CACNA2D1: variants seen among roughly 807,000 people sequenced by gnomAD.
CACNA2D1 encodes the protein voltage-dependent calcium channel subunit alpha-2/delta-1.
A neutral mutation model predicts 171.5 loss-of-function variants in CACNA2D1; 53 were observed. The observed-to-expected ratio is 0.31, with a 90% CI of 0.25 to 0.39. CACNA2D1 has a LOEUF of 0.39. Ranked by LOEUF, CACNA2D1 falls within the 10% of genes least tolerant of loss-of-function variation. The pLI, the probability that CACNA2D1 is intolerant of heterozygous loss-of-function variation, is 1.00. For missense variants in CACNA2D1, 903 were observed against 1,299.8 expected, an observed-to-expected ratio of 0.69 and a Z score of 4.69; for synonymous variants, 442 against 443.1, an observed-to-expected ratio of 1.00 and a Z score of 0.03.
intron 32 of CACNA2D1, 35 bp from the exon 33 acceptor site, chr7:81,964,394 T>C (rs771501535): frequency 6.3e-7 from 1 of 1,589,414 alleles, no homozygotes; most frequent in East Asian, 2.2e-5. Flanking sequence ...CAACGTGCAC[T>C]TAAAATGTAA....
intron 6 of CACNA2D1, among the ~76,000 whole-genome samples, chr7:82,089,651 GAAGA>G (rs1174734691): frequency 6.6e-6 from 1 of 151,896 alleles, no homozygotes; most frequent in Non-Finnish European, 1.5e-5. Context: ...ATTCTCAAGA[GAAGA>G]AAGAAAAATC....
At chr7:82,003,093 T>C (rs554036813) in intron 18 of CACNA2D1, among the ~76,000 whole-genome samples, 5 of 152,132 alleles carry the variant, frequency 3.3e-5, no homozygotes, top group Non-Finnish European at 7.4e-5. Context: ...TTTTATGAGG[T>C]CTTGTATCAA....
intron 4 of CACNA2D1, among the ~76,000 whole-genome samples, chr7:82,156,734 T>C (rs1584947310): frequency 6.6e-6 from 1 of 152,050 alleles, no homozygotes; most frequent in Non-Finnish European, 1.5e-5. Context: ...ACAAGTAAAT[T>C]GAAATGAAAA....
intron 24 of CACNA2D1, among the ~76,000 whole-genome samples, chr7:81,974,842 T>TA (rs1431074091): frequency 6.6e-6 from 1 of 151,854 alleles, no homozygotes. Context: ...GAGTCTCATA[T>TA]AGCAATTAAA....
At chr7:82,283,051 T>G (rs892312832) in intron 3 of CACNA2D1, among the ~76,000 whole-genome samples, 1 of 152,206 alleles carries the variant, frequency 6.6e-6, no homozygotes, top group Non-Finnish European at 1.5e-5. Context: ...AGACAGATTT[T>G]GTTTCCCACG....
intron 10 of CACNA2D1, among the ~76,000 whole-genome samples, chr7:82,056,355 T>C (rs1805906606): frequency 6.6e-6 from 1 of 152,150 alleles, no homozygotes; most frequent in South Asian, 2.1e-4. Flanking sequence ...AACATGAGGA[T>C]GGACCTATGG....
chr7:82,388,837 C>G (rs191586626), intron 1 of CACNA2D1, among the ~76,000 whole-genome samples: 1,648 of 152,062 alleles, frequency 0.011, 24 homozygotes, highest in Middle Eastern at 0.062. Context: ...TAAGGTAGGC[C>G]GGGCACGGTG....
chr7:82,120,175 G>A (rs923487133), intron 5 of CACNA2D1, among the ~76,000 whole-genome samples: 1 of 152,084 alleles, frequency 6.6e-6, no homozygotes, highest in African/African-American at 2.4e-5. Flanking sequence ...GAATGAGACT[G>A]TGCACGCACG....
In CACNA2D1 at chr7:82,229,797, T is replaced by G. The variant is rs747582837; in HGVS notation, c.295-59188A>C. On this transcript the variant is annotated intron_variant, in intron 3 of 38. Transcript: ENST00000356860. ...CTCCCTTCTTGCCCTCCCAAAGTGCTGGGATTACAGGCATGAGCCACCATG... is the reference window on the plus strand; with the variant it reads ...CTCCCTTCTTGCCCTCCCAAAGTGCGGGGATTACAGGCATGAGCCACCATG... 3.3e-5 allele frequency among the ~76,000 whole-genome samples: 5 copies of G among 152,114 alleles called. No homozygotes were observed. In the East Asian group the frequency reaches 7.7e-4, roughly 23 times the overall value.
chr7:82,140,196 A>T (rs1355163870), intron 4 of CACNA2D1, among the ~76,000 whole-genome samples: 1 of 152,150 alleles, frequency 6.6e-6, no homozygotes, highest in East Asian at 1.9e-4. Context: ...AAACAACAAA[A>T]TGAGAAAGCA....
At chr7:82,186,318 G>A (rs1394318835) in intron 3 of CACNA2D1, among the ~76,000 whole-genome samples, 3 of 150,608 alleles carry the variant, frequency 2.0e-5, no homozygotes, top group African/African-American at 4.9e-5. Context: ...TGAGGAAGGT[G>A]GGCAAGGTTA....
At chr7:82,107,717 G>C (rs977855545) in intron 6 of CACNA2D1, among the ~76,000 whole-genome samples, 2 of 151,628 alleles carry the variant, frequency 1.3e-5, no homozygotes, top group Non-Finnish European at 2.9e-5. Context: ...CCGAGTAGCT[G>C]GGATTACAAG....
At chr7:82,263,055 G>T (rs1454386913) in intron 3 of CACNA2D1, among the ~76,000 whole-genome samples, 1 of 150,300 alleles carries the variant, frequency 6.7e-6, no homozygotes, top group Non-Finnish European at 1.5e-5. Context: ...AAGTTTCCTG[G>T]GTCTTTGAGG....
chr7:82,137,488 G>A (rs1421681387), intron 4 of CACNA2D1, among the ~76,000 whole-genome samples: 1 of 151,952 alleles, frequency 6.6e-6, no homozygotes, highest in Non-Finnish European at 1.5e-5. Flanking sequence ...TGAAGATATA[G>A]TTCATCTTCC....
intron 3 of CACNA2D1, among the ~76,000 whole-genome samples, chr7:82,298,197 G>A (rs1398001338): frequency 6.6e-6 from 1 of 152,072 alleles, no homozygotes; most frequent in Non-Finnish European, 1.5e-5. Context: ...TCATGTAAAT[G>A]TTTTCCACCA....
chr7:82,051,113 C>T lies in CACNA2D1; in HGVS notation c.879+9315G>A, dbSNP rs190561652. The T allele has an allele frequency of 8.3e-3, 1,294 of 156,586 alleles. 9 individuals are homozygous for T. Among genetic ancestry groups the T allele is most frequent in the Non-Finnish European group, 0.012 (845 of 70,994 alleles). The allele number at this position is 156,586 out of a possible 1,614,324, so 9.7% of individuals were successfully genotyped here. On this transcript the variant is annotated intron_variant, in intron 10 of 38. Transcript: ENST00000356860. Reference sequence around the variant, plus strand: ...ATATATTGGCTCCTTGAACCGCATACTGTGGGAAGCAAAGACTTTTACAAT... The same window carrying T: ...ATATATTGGCTCCTTGAACCGCATATTGTGGGAAGCAAAGACTTTTACAAT...
intron 18 of CACNA2D1, among the ~76,000 whole-genome samples, chr7:82,003,390 T>C (rs1156875913): frequency 1.3e-5 from 2 of 152,092 alleles, no homozygotes; most frequent in African/African-American, 4.8e-5. Context: ...GCTAAAGAAT[T>C]TGTTTTCTCT....
At chr7:82,082,382 CCT>C in intron 7 of CACNA2D1, among the ~76,000 whole-genome samples, 1 of 152,098 alleles carries the variant, frequency 6.6e-6, no homozygotes, top group East Asian at 2.0e-4. Context: ...ATGGGTCATC[CCT>C]CTACCTGATG....
chr7:82,139,282 TTAAGAG>T (rs1377761150), intron 4 of CACNA2D1, among the ~76,000 whole-genome samples: 14 of 152,290 alleles, frequency 9.2e-5, no homozygotes, highest in African/African-American at 3.4e-4. Flanking sequence ...AAGGCTAAGA[TTAAGAG>T]TATTTCACCT....
Sources: gnomAD v4.1 joint callset for allele counts (sites outside exome capture counted in the v4.1 genomes callset) on GRCh38, gnomAD v4.1.1 for gene constraint, MANE v1.5 for transcripts, NCBI Gene and HGNC (gene_info 2026-07-23, HGNC 2026-07-21) for gene names.